NEB: variants seen among roughly 807,000 people sequenced by gnomAD.
NEB encodes nebulin, also known as nemaline myopathy type 2.
A neutral mutation model predicts 952.2 loss-of-function variants in NEB; 512 were observed. The observed-to-expected ratio is 0.54, with a 90% confidence interval of 0.50 to 0.58. The LOEUF (loss-of-function observed/expected upper bound fraction) is 0.58, where lower values mean the gene tolerates loss of function less well. Among genes scored for constraint, NEB ranks in the 20% least tolerant of loss-of-function variants. The pLI is 0.00. For missense variants in NEB, 8,428 were observed against 9,231.1 expected (o/e 0.91, Z 3.56); for synonymous variants, 2,900 against 3,149.8 (o/e 0.92, Z 2.66).
At chr2:151,661,265 A>G (rs778614989) in intron 46 of NEB, among the ~76,000 whole-genome samples, 11 of 152,190 alleles carry the variant, frequency 7.2e-5, no homozygotes, top group Admixed American at 2.6e-4. Context: ...GTTTAGATTT[A>G]AATCTTAAAA....
rs2153740204 is a variant in NEB, at chr2:151,567,450, T to A, written c.17874A>T (p.Gln5958His). ...TCGGGACACCAACATAATGACCTTT[T>A]TGCTTCACATGTTCAGCTTTGTATT... ...ELKYKAEHVK[Q>H]KGHYVGVPTM... Residue 5958 changes from glutamine (Q) to histidine (H), a missense_variant, in exon 114 of 182, where the codon CAA (glutamine) becomes CAT (histidine). Physicochemically the swap from Gln to His is conservative, Grantham distance 24. Coordinates refer to ENST00000397345, the MANE Select transcript of NEB (RefSeq NM_001164508.2). 2 of 1,612,576 alleles carry A rather than the reference T, an allele frequency of 1.2e-6. No homozygotes were observed. Among genetic ancestry groups the A allele is most frequent in the Non-Finnish European group, 1.7e-6 (2 of 1,179,164 alleles).
chr2:151,516,333 A>T, intron 157 of NEB, 126 bp downstream of exon 157: 1 of 606,482 alleles, frequency 1.6e-6, no homozygotes. Context: ...GATTTTAGTG[A>T]TCACATGATA....
chr2:151,686,453 T>C (rs112199472), intron 27 of NEB, among the ~76,000 whole-genome samples: 38 of 151,982 alleles, frequency 2.5e-4, no homozygotes, highest in Middle Eastern at 3.4e-3. Flanking sequence ...CAATGGGGAG[T>C]TATATCCTTC....
chr2:151,672,001 CTTTCCCAAAT>C (rs1302355494), intron 37 of NEB, among the ~76,000 whole-genome samples: 1 of 151,860 alleles, frequency 6.6e-6, no homozygotes, highest in Non-Finnish European at 1.5e-5. Context: ...AAAAAAACAC[CTTTCCCAAAT>C]TCAGGAAGGA....
chr2:151,561,483 AG>A (rs200540053), intron 121 of NEB, among the ~76,000 whole-genome samples, 171 bp from the exon 122 acceptor site: 23 of 150,784 alleles, frequency 1.5e-4, no homozygotes, highest in Non-Finnish European at 3.1e-4. Context: ...CAGAATGAAT[AG>A]CTTCTCTTGA....
intron 135 of NEB, 89 bp downstream of exon 135, chr2:151,545,799 G>A: frequency 4.0e-6 from 3 of 749,790 alleles, no homozygotes; most frequent in Non-Finnish European, 4.4e-6. Flanking sequence ...CCTGAACAGC[G>A]ATCACTAGAG....
chr2:151,675,157 T>C (rs2099349549), intron 35 of NEB, 130 bp downstream of exon 35: 2 of 729,916 alleles, frequency 2.7e-6, no homozygotes, highest in East Asian at 5.4e-5. Context: ...ACCATCCTTA[T>C]GGGATATGTT....
chr2:151,674,391 C>A, intron 36 of NEB, 86 bp downstream of exon 36: 1 of 1,022,020 alleles, frequency 9.8e-7, no homozygotes, highest in Non-Finnish European at 1.5e-6. Flanking sequence ...TAACATATTT[C>A]TTTCAATAAG....
chr2:151,639,457 A>G (rs1307720929), intron 62 of NEB, 73 bp from the exon 63 acceptor site: 3 of 1,072,356 alleles, frequency 2.8e-6, no homozygotes, highest in South Asian at 1.9e-5. Flanking sequence ...TAGGGCCACA[A>G]AAACTTTATA....
rs1300718924 is a variant in NEB, at chr2:151,646,254, T to C, written c.7432-20A>G. ...AAGTCTCTAAAATAAGAAATAATAA[T>C]TTTTCAGTGGTGTTGTTAGATTAGT... is the stretch of plus-strand genomic sequence containing the variant. On this transcript the variant is annotated intron_variant, in intron 54 of 181. Coordinates refer to ENST00000397345, the MANE Select transcript of NEB (RefSeq NM_001164508.2). 1 of 1,519,776 alleles carries C rather than the reference T, an allele frequency of 6.6e-7. No individual in the cohort carries two copies. The highest frequency in any genetic ancestry group is 9.0e-7 in the Non-Finnish European group (1 of 1,115,988). The allele number at this position is 1,519,776 out of a possible 1,614,324, so 94.1% of individuals were successfully genotyped here. A position where few individuals can be genotyped will look rare whatever the true frequency, so the allele number is the denominator to read the frequency against.
chr2:151,627,594 G>T lies in NEB; in HGVS notation c.10072C>A (p.His3358Asn). The change falls in exon 69 of 182, where the codon CAC becomes AAC. Residue 3358 changes from histidine to asparagine, a missense_variant. Physicochemically the swap from His to Asn is moderately conservative, Grantham distance 68. This residue lies in a region of NEB where 1,772 missense variants were observed against 1,960.3 expected (regional missense o/e 0.90). Coordinates refer to ENST00000397345, the MANE Select transcript of NEB (RefSeq NM_001164508.2). Reference sequence around the variant, plus strand: ...TGGTCGGGCAGGCACGTCCACTCGTGCAGGTAGTTCTTGTAGTCCACATCG... The same window carrying T: ...TGGTCGGGCAGGCACGTCCACTCGTTCAGGTAGTTCTTGTAGTCCACATCG... ...VSDVDYKNYLHEWTCLPDQND... is the reference protein window; with the variant it reads ...VSDVDYKNYLNEWTCLPDQND... 1 of 1,614,022 alleles carries T rather than the reference G, an allele frequency of 6.2e-7. No homozygotes were observed. Among genetic ancestry groups the T allele is most frequent in the Non-Finnish European group, 8.5e-7 (1 of 1,179,894 alleles).
chr2:151,515,007 AAAAC>A, intron 157 of NEB, 79 bp from the exon 158 acceptor site: 2 of 900,162 alleles, frequency 2.2e-6, no homozygotes, highest in Non-Finnish European at 3.4e-6. Flanking sequence ...GAAGAAAAAA[AAAAC>A]AGCATTTTCT....
chr2:151,537,557 T>C (rs2093389404), intron 140 of NEB, among the ~76,000 whole-genome samples: 1 of 152,206 alleles, frequency 6.6e-6, no homozygotes, highest in Non-Finnish European at 1.5e-5. Flanking sequence ...CATTGTTATG[T>C]GTCTTAATTG....
In NEB at chr2:151,531,801, T is replaced by G. The variant is rs542149432; in HGVS notation, c.21513A>C (p.Gln7171His). Residue 7171 changes from glutamine (Q) to histidine (H), a missense_variant, in exon 144 of 182, where the codon CAA becomes CAC. By Grantham distance (24) the Gln-to-His change is conservative. Transcript: ENST00000397345. Reference protein sequence around the residue: ...EHLRTTKVNKQISDILYKLEY... With the variant: ...EHLRTTKVNKHISDILYKLEY... ...TGTTTCTTGCACTTACATCGCTGAT[T>G]TGTTTGTTGACTTTTGTAGTACGCA... 262 of 1,610,468 alleles carry G rather than the reference T, an allele frequency of 1.6e-4. 3 individuals are homozygous for G. The South Asian group carries it at 2.5e-3, about 16-fold the overall frequency.
At position 151,706,195 on chromosome 2, in the gene NEB, T is replaced by C. The variant is rs539518293; in HGVS notation, c.1152+686A>G. The stretch of plus-strand genomic sequence containing the variant: ...CACCTGCTCCCCAACCACACACACA[T>C]ATTTCCTATGCTGCTGACTTAGTTC... On this transcript the variant is annotated intron_variant, in intron 13 of 181. Transcript: ENST00000397345. Among the ~76,000 whole-genome samples the C allele has an allele frequency of 3.9e-5, 6 of 152,320 alleles. No individual in the cohort carries two copies. The East Asian group carries it at 9.6e-4, about 24-fold the overall frequency.
chr2:151,514,760 G>A lies in NEB; in HGVS notation c.23016+58C>T. 5 of 1,187,120 alleles carry A rather than the reference G, an allele frequency of 4.2e-6. No individual in the cohort carries two copies. The South Asian group carries it at 6.9e-5, about 16-fold the overall frequency. The allele number at this position is 1,187,120 out of a possible 1,614,324, so 73.5% of individuals were successfully genotyped here. On this transcript the variant is annotated intron_variant, in intron 158 of 181. Transcript: ENST00000397345. ...AATGGTAGGAGGAACACATTAATGA[G>A]TGTCACTAGTGCAATTATTTGGATT...
chr2:151,657,210 G>C (rs1403501740), intron 48 of NEB, among the ~76,000 whole-genome samples: 1 of 152,132 alleles, frequency 6.6e-6, no homozygotes, highest in Non-Finnish European at 1.5e-5. Flanking sequence ...AGGATAATAA[G>C]AGAGAATGGG....
Position 151,672,453 on chromosome 2 carries a change from G to C in NEB, c.4215C>G (p.Tyr1405Ter). 2 of 1,613,988 alleles carry C rather than the reference G, an allele frequency of 1.2e-6. No homozygotes were observed. The highest frequency in any genetic ancestry group is 1.7e-6 in the Non-Finnish European group (2 of 1,179,850). Residue 1405 changes from tyrosine to a stop codon, truncating the protein, a stop_gained, in exon 37 of 182, where the codon TAC (tyrosine) becomes TAG (stop). Transcript: ENST00000397345. LOFTEE classifies it high-confidence loss of function. ...ATGTGTAATGATGCAATGGCTGTTTGTAGTTGACATTGGTAGCGACATCCT... is the reference window on the plus strand; with the variant it reads ...ATGTGTAATGATGCAATGGCTGTTTCTAGTTGACATTGGTAGCGACATCCT... ...MAQDVATNVNYKQPLHHYTYL... is the reference protein window; with the variant it reads ...MAQDVATNVN
At chr2:151,543,980 A>G (rs993164321) in intron 135 of NEB, among the ~76,000 whole-genome samples, 7 of 152,178 alleles carry the variant, frequency 4.6e-5, no homozygotes, top group African/African-American at 7.2e-5. Context: ...TACTAACTCA[A>G]TGTTTTCCAA....
Sources: allele counts gnomAD v4.1 joint callset (sites outside exome capture counted in the v4.1 genomes callset), GRCh38; gene constraint gnomAD v4.1.1; regional missense constraint gnomAD v4.1.1; transcripts MANE v1.5; gene names NCBI Gene and HGNC (gene_info 2026-07-23, HGNC 2026-07-21).